Variants in STXBP4 observed in about 807,000 individuals in gnomAD.
STXBP4 encodes the protein syntaxin binding protein 4, also known as syntaxin-binding protein 4.
STXBP4 carries 55 observed loss-of-function variants against 76.1 expected under a neutral mutation model. The observed-to-expected ratio is 0.72, with a 90% CI of 0.58 to 0.91. The LOEUF is 0.91. Among genes scored for constraint, STXBP4 ranks in the 40% least tolerant of loss-of-function variants. The probability of loss-of-function intolerance (pLI) is 0.00; values close to 1 mark genes in which losing one functional copy is unlikely to be tolerated. For missense variants in STXBP4, 618 were observed against 636.9 expected (o/e 0.97, Z 0.32); for synonymous variants, 201 against 220.2 (o/e 0.91, Z 0.77).
At chr17:55,092,920 A>G (rs1356401464) in intron 16 of STXBP4, among the ~76,000 whole-genome samples, 2 of 152,086 alleles carry the variant, frequency 1.3e-5, no homozygotes, top group Non-Finnish European at 2.9e-5. Context: ...TTTCCCCCAG[A>G]GCATATATTT....
At chr17:55,134,189 T>A (rs2080002525) in intron 16 of STXBP4, among the ~76,000 whole-genome samples, 2 of 151,882 alleles carry the variant, frequency 1.3e-5, no homozygotes, top group African/African-American at 4.8e-5. Context: ...AGTTGGTGGA[T>A]GTTATGGTGG....
chr17:55,174,425 A>T (rs2080421468), downstream of STXBP4, among the ~76,000 whole-genome samples: 1 of 152,026 alleles, frequency 6.6e-6, no homozygotes, highest in Non-Finnish European at 1.5e-5. Context: ...TTAAATTTGC[A>T]TTCTTCTCAT....
intron 12 of STXBP4, among the ~76,000 whole-genome samples, chr17:55,059,332 C>T (rs1024212829): frequency 2.6e-5 from 4 of 152,026 alleles, no homozygotes; most frequent in Non-Finnish European, 5.9e-5. Context: ...ACATCAGTTA[C>T]GTGTTTATGT....
intron 16 of STXBP4, among the ~76,000 whole-genome samples, chr17:55,129,088 C>G (rs142045471): frequency 0.025 from 3,745 of 151,986 alleles, 190 homozygotes; most frequent in East Asian, 0.24. Flanking sequence ...CGCCACCACA[C>G]CCGGCTAATT....
chr17:55,083,972 T>C (rs533053696), intron 16 of STXBP4, among the ~76,000 whole-genome samples: 4 of 152,284 alleles, frequency 2.6e-5, no homozygotes, highest in African/African-American at 9.6e-5. Context: ...GAAGTTATTA[T>C]TGTGGCCATC....
At chr17:55,036,020 A>C (rs1412809402) in intron 10 of STXBP4, among the ~76,000 whole-genome samples, 1 of 152,044 alleles carries the variant, frequency 6.6e-6, no homozygotes, top group Non-Finnish European at 1.5e-5. Context: ...TAGTGAGAAC[A>C]CTTAAAATCT....
chr17:55,112,148 G>C (rs539242177), intron 16 of STXBP4, among the ~76,000 whole-genome samples: 6 of 152,032 alleles, frequency 3.9e-5, no homozygotes, highest in African/African-American at 1.2e-4. Context: ...TCAAACTCCT[G>C]GCCTTAAGTG....
At chr17:55,053,039 G>A (rs1052521756) in intron 12 of STXBP4, among the ~76,000 whole-genome samples, 1 of 148,876 alleles carries the variant, frequency 6.7e-6, no homozygotes, top group Non-Finnish European at 1.5e-5. Context: ...CTAAAGAGAC[G>A]TGAAAACTAA....
At position 55,160,484 on chromosome 17, in the gene STXBP4, A is replaced by G. The variant is rs1201219069; in HGVS notation, c.*573A>G. 2 of 152,562 alleles carry G rather than the reference A, an allele frequency of 1.3e-5. No individual in the cohort carries two copies. Among genetic ancestry groups the G allele is most frequent in the African/African-American group, 4.8e-5 (2 of 41,436 alleles). 9.5% of individuals were successfully genotyped at this position (152,562 alleles called of 1,614,324 possible). On this transcript the variant is annotated 3_prime_UTR_variant, in exon 18 of 18. Coordinates refer to ENST00000376352, the MANE Select transcript of STXBP4 (RefSeq NM_178509.6). ...CCCCATTGTCTTTAAACCATACAACATGCCCGTGAAGCTGATCTGGTGGGT... is the reference window on the plus strand; with the variant it reads ...CCCCATTGTCTTTAAACCATACAACGTGCCCGTGAAGCTGATCTGGTGGGT...
At chr17:55,127,364 G>C (rs1246005700) in intron 16 of STXBP4, among the ~76,000 whole-genome samples, 1 of 152,122 alleles carries the variant, frequency 6.6e-6, no homozygotes, top group Non-Finnish European at 1.5e-5. Flanking sequence ...TCTTCCAATT[G>C]TTTTCAATTT....
Position 55,132,492 on chromosome 17 carries a change from T to C in STXBP4, c.1490-8818T>C, listed in dbSNP as rs2079983843. ...GCATGAGCCACTGTGCCCGGCCCAA[T>C]TATCTTATTAAACACCCTTTCAACA... On this transcript the variant is annotated intron_variant, in intron 16 of 17. Transcript: ENST00000376352. 2.0e-5 allele frequency among the ~76,000 whole-genome samples: 3 copies of C among 152,196 alleles called. No homozygotes were observed. In the South Asian group the frequency reaches 6.2e-4, roughly 32 times the overall value.
At chr17:55,016,842 T>C (rs145603593) in intron 8 of STXBP4, among the ~76,000 whole-genome samples, 46 of 152,224 alleles carry the variant, frequency 3.0e-4, no homozygotes, top group Non-Finnish European at 6.0e-4. Flanking sequence ...ACCTTTTTGC[T>C]TTTTTGACTT....
At chr17:55,113,251 ACACACACACACG>A (rs2079743040) in intron 16 of STXBP4, among the ~76,000 whole-genome samples, 1 of 151,640 alleles carries the variant, frequency 6.6e-6, no homozygotes, top group African/African-American at 2.4e-5. Context: ...ACACACACAC[ACACACACACACG>A]AGGTAGCTAT....
chr17:55,046,962 A>G (rs1306431800), intron 11 of STXBP4, 127 bp from the exon 12 acceptor site: 1 of 551,910 alleles, frequency 1.8e-6, no homozygotes, highest in East Asian at 3.0e-5. Context: ...AAAAATGACT[A>G]GGAGCAATAT....
At chr17:55,137,281 C>G (rs1477679117) in intron 16 of STXBP4, among the ~76,000 whole-genome samples, 2 of 147,202 alleles carry the variant, frequency 1.4e-5, no homozygotes, top group African/African-American at 5.0e-5. Context: ...TGTTCCCTCC[C>G]TCCCTCCCTC....
rs544925652 is a variant in STXBP4 at position 55,033,380 on chromosome 17, T to A, written c.764-788T>A. 3.3e-5 allele frequency among the ~76,000 whole-genome samples: 5 copies of A among 150,992 alleles called. No homozygotes were observed. The South Asian group carries it at 1.0e-3, about 32-fold the overall frequency. Reference sequence around the variant, plus strand: ...CAGAGTGAGACTCCATCTCAAAAAATAAATAAATAAATAAAATAAAATAAA... The same window carrying A: ...CAGAGTGAGACTCCATCTCAAAAAAAAAATAAATAAATAAAATAAAATAAA... On this transcript the variant is annotated intron_variant, in intron 9 of 17. Coordinates refer to ENST00000376352, the MANE Select transcript of STXBP4 (RefSeq NM_178509.6).
intron 16 of STXBP4, among the ~76,000 whole-genome samples, chr17:55,098,110 A>G (rs2079516948): frequency 6.6e-6 from 1 of 151,940 alleles, no homozygotes; most frequent in South Asian, 2.1e-4. Flanking sequence ...CTTTTTTTTG[A>G]GAACTGGAAA....
In STXBP4 at chr17:54,986,174, T is replaced by G; in HGVS notation, c.-46T>G. 6.7e-7 allele frequency: 1 copy of G among 1,493,316 alleles called. No individual in the cohort carries two copies. Among genetic ancestry groups the G allele is most frequent in the Non-Finnish European group, 9.2e-7 (1 of 1,084,772 alleles). The allele number at this position is 1,493,316 out of a possible 1,614,324, so 92.5% of individuals were successfully genotyped here. A position where few individuals can be genotyped will look rare whatever the true frequency, so the allele number is the denominator to read the frequency against. The stretch of plus-strand genomic sequence containing the variant: ...AGAATTTCTAGACTCTTCATCAAGA[T>G]CTTCATTTATACAGCTGTTAAATCC... On this transcript the variant is annotated 5_prime_UTR_variant, in exon 3 of 18. Transcript: ENST00000376352.
At chr17:55,018,895 A>G (rs1428274350) in intron 8 of STXBP4, among the ~76,000 whole-genome samples, 1 of 152,216 alleles carries the variant, frequency 6.6e-6, no homozygotes, top group Non-Finnish European at 1.5e-5. Context: ...GCTTCAGGCC[A>G]TCTGGATGTA....
Sources: gnomAD v4.1 joint callset for allele counts (sites outside exome capture counted in the v4.1 genomes callset) on GRCh38, gnomAD v4.1.1 for gene constraint, MANE v1.5 for transcripts, NCBI Gene and HGNC (gene_info 2026-07-23, HGNC 2026-07-21) for gene names.